Variants in ATP10B observed in about 807,000 individuals in gnomAD.
ATP10B encodes ATPase phospholipid transporting 10B (putative), also known as phospholipid-transporting ATPase VB.
Under a neutral mutation model 141.2 loss-of-function variants are expected in ATP10B, and 122 were observed. The ratio of observed to expected loss-of-function variants is 0.86; its 90% CI spans 0.75 to 1.00. The LOEUF is 1.00. Among genes scored for constraint, ATP10B ranks in the 50% least tolerant of loss-of-function variants. The pLI is 0.00. For missense variants in ATP10B, 1,876 were observed against 1,825.3 expected (o/e 1.03, Z -0.51); for synonymous variants, 685 against 692.0 (o/e 0.99, Z 0.16).
chr5:160,601,533 G>C (rs1757097955), intron 21 of ATP10B, among the ~76,000 whole-genome samples: 1 of 152,164 alleles, frequency 6.6e-6, no homozygotes, highest in Non-Finnish European at 1.5e-5. Flanking sequence ...TCAAAGAAGA[G>C]TCTTCTGACC....
At chr5:160,614,282 A>G (rs1757883004) in intron 17 of ATP10B, 2 of 151,976 alleles carry the variant, frequency 1.3e-5, no homozygotes, top group Admixed American at 1.3e-4. Context: ...AGGAGGAAAA[A>G]CACATTTATT....
rs186650804 is a variant in ATP10B, at chr5:160,599,117, C to T, written c.3364-147G>A. ...TGTAAGGATGAGAGAGAATTCTAAT[C>T]CTCGGAGCAGTAGCTACCACTGTTA... On this transcript the variant is annotated intron_variant, in intron 21 of 25. Coordinates refer to ENST00000327245, the MANE Select transcript of ATP10B (RefSeq NM_025153.3). 3.8e-4 allele frequency: 250 copies of T among 661,082 alleles called. 1 individual carries two copies. In the East Asian group the frequency reaches 5.9e-3, roughly 16 times the overall value. 41.0% of individuals were successfully genotyped at this position (661,082 alleles called of 1,614,324 possible). A position where few individuals can be genotyped will look rare whatever the true frequency, so the allele number is the denominator to read the frequency against.
intron 3 of ATP10B, among the ~76,000 whole-genome samples, chr5:160,691,318 G>A (rs962798917): frequency 2.0e-5 from 3 of 152,016 alleles, no homozygotes; most frequent in African/African-American, 7.3e-5. Context: ...ACACAAACCT[G>A]CACATTCTGC....
rs1338682648 is a variant in ATP10B at position 160,717,038 on chromosome 5, T to C, written c.-330-4A>G. ...TGATCAGAATAAATTGCAAGTTCTG[T>C]AAGCAAGAAAAGAAAATATTGAGTA... On this transcript the variant is annotated splice_polypyrimidine_tract_variant and splice_region_variant and intron_variant, in intron 2 of 25. Coordinates refer to ENST00000327245, the MANE Select transcript of ATP10B (RefSeq NM_025153.3). 2 of 985,280 alleles carry C rather than the reference T, an allele frequency of 2.0e-6. No individual in the cohort carries two copies. The highest frequency in any genetic ancestry group is 2.4e-6 in the Non-Finnish European group (2 of 829,902). The allele number at this position is 985,280 out of a possible 1,614,324, so 61.0% of individuals were successfully genotyped here.
chr5:160,671,046 T>TC (rs1561732497), intron 6 of ATP10B, among the ~76,000 whole-genome samples: 4 of 151,314 alleles, frequency 2.6e-5, no homozygotes, highest in African/African-American at 9.7e-5. Flanking sequence ...GTGCCTGTAG[T>TC]CCCAGCTGCT....
At chr5:160,859,912 T>C in the ATP10B span, among the ~76,000 whole-genome samples, 2 of 151,964 alleles carry the variant, frequency 1.3e-5, no homozygotes, top group Non-Finnish European at 2.9e-5. Flanking sequence ...AGTGATAGTA[T>C]CTAAGGACCC....
chr5:160,653,128 A>G (rs1356974282), intron 7 of ATP10B, among the ~76,000 whole-genome samples: 1 of 130,268 alleles, frequency 7.7e-6, no homozygotes, highest in East Asian at 2.2e-4. Flanking sequence ...TGTATATATT[A>G]TGTATACATA....
chr5:160,796,332 A>G (rs1173636370), intron 1 of ATP10B, among the ~76,000 whole-genome samples: 1 of 152,212 alleles, frequency 6.6e-6, no homozygotes, highest in Admixed American at 6.5e-5. Context: ...ATCTTGTCCA[A>G]GAAGCTATGG....
In ATP10B at chr5:160,791,873, C is replaced by T. The variant is rs147444057; in HGVS notation, c.-575-6070G>A. ...AGAGAAAACTGACAGTATCAGCCTTCGTGTGGTCATTTTTGTGGGATTACT... is the reference window on the plus strand; with the variant it reads ...AGAGAAAACTGACAGTATCAGCCTTTGTGTGGTCATTTTTGTGGGATTACT... On this transcript the variant is annotated intron_variant, in intron 1 of 25. Transcript: ENST00000327245. 2.6e-3 allele frequency among the ~76,000 whole-genome samples: 394 copies of T among 152,172 alleles called. 1 individual carries two copies. Among genetic ancestry groups the T allele is most frequent in the African/African-American group, 8.7e-3 (362 of 41,522 alleles).
At chr5:160,731,193 A>G (rs1766715896) in intron 2 of ATP10B, among the ~76,000 whole-genome samples, 5 of 152,228 alleles carry the variant, frequency 3.3e-5, no homozygotes, top group Admixed American at 2.6e-4. Flanking sequence ...CAGGAAAGCT[A>G]CCAAGATGAG....
At chr5:160,758,025 A>G (rs750106871) in intron 2 of ATP10B, among the ~76,000 whole-genome samples, 3 of 152,220 alleles carry the variant, frequency 2.0e-5, no homozygotes, top group Non-Finnish European at 4.4e-5. Context: ...TATAGAAGAT[A>G]CAAATAGTAG....
upstream of ATP10B, among the ~76,000 whole-genome samples, chr5:160,855,361 C>T (rs969941508): frequency 6.6e-6 from 1 of 151,862 alleles, no homozygotes; most frequent in Non-Finnish European, 1.5e-5. Flanking sequence ...TTTTAATTTG[C>T]ATTTTCCTAA....
chr5:160,864,830 A>T, the ATP10B span, among the ~76,000 whole-genome samples: 8 of 152,014 alleles, frequency 5.3e-5, no homozygotes, highest in Non-Finnish European at 1.0e-4. Flanking sequence ...AGCTGCAAAA[A>T]AATAAAATAA....
At chr5:160,807,003 AG>A (rs1772823644) in intron 1 of ATP10B, among the ~76,000 whole-genome samples, 1 of 152,190 alleles carries the variant, frequency 6.6e-6, no homozygotes, top group Non-Finnish European at 1.5e-5. Context: ...CAAACGGGGA[AG>A]AAAAAGTACA....
At chr5:160,900,869 ACT>A in the ATP10B span, among the ~76,000 whole-genome samples, 25 of 142,174 alleles carry the variant, frequency 1.8e-4, no homozygotes, top group African/African-American at 5.5e-4. Context: ...GAACAAGAAC[ACT>A]CTCTGAAAAG....
chr5:160,747,683 C>T (rs1207589484), intron 2 of ATP10B, among the ~76,000 whole-genome samples: 1 of 152,104 alleles, frequency 6.6e-6, no homozygotes, highest in Non-Finnish European at 1.5e-5. Context: ...GTCCTGCCAA[C>T]ACCTTGATTT....
chr5:160,650,823 C>A (rs556707578), intron 7 of ATP10B, among the ~76,000 whole-genome samples: 19 of 152,254 alleles, frequency 1.2e-4, no homozygotes, highest in African/African-American at 4.3e-4. Flanking sequence ...GGCCTTCTCC[C>A]TGTAACTGGT....
chr5:160,700,623 G>A (rs9313853), intron 3 of ATP10B, among the ~76,000 whole-genome samples: 1 of 152,202 alleles, frequency 6.6e-6, no homozygotes, highest in African/African-American at 2.4e-5. Flanking sequence ...CTTTTTCATA[G>A]GTGCTTTGGG....
intron 25 of ATP10B, among the ~76,000 whole-genome samples, chr5:160,569,251 AGATGTCACAACT>A (rs1483473046): frequency 6.6e-6 from 1 of 152,212 alleles, no homozygotes; most frequent in Non-Finnish European, 1.5e-5. Context: ...CCCATTTTAT[AGATGTCACAACT>A]GAGGTCACAC....
Sources: allele counts gnomAD v4.1 joint callset (sites outside exome capture counted in the v4.1 genomes callset), GRCh38; gene constraint gnomAD v4.1.1; transcripts MANE v1.5; gene names NCBI Gene and HGNC (gene_info 2026-07-23, HGNC 2026-07-21).